Variants in SVIL observed in about 807,000 individuals in gnomAD.
The protein encoded by SVIL is archvillin.
A neutral mutation model predicts 240.4 loss-of-function variants in SVIL; 101 were observed. That is an observed-to-expected ratio of 0.42 (90% CI 0.36 to 0.50). The LOEUF (loss-of-function observed/expected upper bound fraction) is 0.50, where lower values mean the gene tolerates loss of function less well. SVIL is among the 20% of genes least tolerant of loss of function. SVIL has a pLI of 0.01. For missense variants in SVIL, 2,512 were observed against 2,818.7 expected (o/e 0.89, Z 2.46); for synonymous variants, 999 against 1,100.0 (o/e 0.91, Z 1.82).
At chr10:29,482,188 G>C (rs1014858247) in intron 27 of SVIL, among the ~76,000 whole-genome samples, 3 of 151,972 alleles carry the variant, frequency 2.0e-5, no homozygotes, top group African/African-American at 7.2e-5. Flanking sequence ...GCCACCATGC[G>C]TAGCTAATTT....
chr10:29,584,283 C>A (rs1275651762), intron 1 of SVIL, among the ~76,000 whole-genome samples: 1 of 152,210 alleles, frequency 6.6e-6, no homozygotes, highest in Non-Finnish European at 1.5e-5. Context: ...ATCACTTAGG[C>A]ACACCCTGAG....
intron 1 of SVIL, among the ~76,000 whole-genome samples, chr10:29,584,492 C>T (rs556983210): frequency 1.3e-5 from 2 of 152,140 alleles, no homozygotes; most frequent in East Asian, 1.9e-4. Flanking sequence ...TGGAGATTGT[C>T]GGGGAGGTGC....
intron 16 of SVIL, among the ~76,000 whole-genome samples, chr10:29,514,449 T>A (rs541448496): frequency 6.6e-6 from 1 of 152,290 alleles, no homozygotes; most frequent in East Asian, 1.9e-4. Context: ...GCTATGCTGC[T>A]CAGGCTGGTT....
intron 1 of SVIL, among the ~76,000 whole-genome samples, chr10:29,614,272 GACCAGAAAT>G (rs1957355110): frequency 2.0e-5 from 3 of 151,902 alleles, no homozygotes; most frequent in Admixed American, 2.0e-4. Flanking sequence ...CATGATCTAG[GACCAGAAAT>G]ACCATTTGAC....
chr10:29,465,280 G>T (rs1176509174), intron 34 of SVIL, among the ~76,000 whole-genome samples: 1 of 152,196 alleles, frequency 6.6e-6, no homozygotes, highest in East Asian at 1.9e-4. Context: ...GCAGCAACAA[G>T]ACTGAGAGGA....
At chr10:29,530,311 C>T (rs1951267704) in intron 11 of SVIL, among the ~76,000 whole-genome samples, 1 of 152,198 alleles carries the variant, frequency 6.6e-6, no homozygotes, top group African/African-American at 2.4e-5. Context: ...AGTGTACACT[C>T]ATGCTGTGTC....
chr10:29,635,852 A>C (rs1253673263), upstream of SVIL, among the ~76,000 whole-genome samples: 1 of 152,168 alleles, frequency 6.6e-6, no homozygotes, highest in Non-Finnish European at 1.5e-5. Context: ...AGTACAGCAA[A>C]AGCTGTGTGC....
intron 6 of SVIL, among the ~76,000 whole-genome samples, chr10:29,548,287 C>A (rs1024903580): frequency 3.9e-5 from 6 of 151,978 alleles, no homozygotes; most frequent in African/African-American, 9.7e-5. Context: ...ACATATGAAT[C>A]TTTTTTTTCA....
chr10:29,553,937 G>A (rs1953642241), intron 5 of SVIL, among the ~76,000 whole-genome samples: 1 of 152,170 alleles, frequency 6.6e-6, no homozygotes, highest in Admixed American at 6.5e-5. Flanking sequence ...AGAACCTTGA[G>A]AGGCCCCTAT....
At position 29,596,507 on chromosome 10, in the gene SVIL, G is replaced by C. The variant is rs184534261; in HGVS notation, c.-200-27195C>G. Among the ~76,000 whole-genome samples, 566 of 152,252 alleles carry C rather than the reference G, an allele frequency of 3.7e-3. 2 individuals are homozygous for C. Among genetic ancestry groups the C allele is most frequent in the African/African-American group, 0.013 (547 of 41,536 alleles). On this transcript the variant is annotated intron_variant, in intron 1 of 37. Coordinates refer to ENST00000355867, the MANE Select transcript of SVIL (RefSeq NM_021738.3). ...AAAAAATTATTTGCCTTTGCCCACAGAGATCATGGGAAGAGCATTTCAGTA... is the reference window on the plus strand; with the variant it reads ...AAAAAATTATTTGCCTTTGCCCACACAGATCATGGGAAGAGCATTTCAGTA...
At chr10:29,571,711 C>A (rs1243942341) in intron 1 of SVIL, among the ~76,000 whole-genome samples, 3 of 152,182 alleles carry the variant, frequency 2.0e-5, no homozygotes, top group African/African-American at 7.2e-5. Flanking sequence ...TTGATGAGCT[C>A]AAGCAATGCT....
At chr10:29,635,625 A>G (rs964154816), upstream of SVIL, among the ~76,000 whole-genome samples, 6 of 152,254 alleles carry the variant, frequency 3.9e-5, no homozygotes, top group Non-Finnish European at 5.9e-5. Flanking sequence ...AAAAAATATT[A>G]ACTATGAAGC....
chr10:29,537,997 AG>A (rs1951858629), intron 6 of SVIL, among the ~76,000 whole-genome samples: 1 of 152,230 alleles, frequency 6.6e-6, no homozygotes, highest in East Asian at 1.9e-4. Context: ...TGATGGGAAG[AG>A]TTTGGCGCAT....
At chr10:29,555,660 G>A (rs10826656) in intron 3 of SVIL, among the ~76,000 whole-genome samples, 46,094 of 151,934 alleles carry the variant, frequency 0.3, 7,243 homozygotes, top group African/African-American at 0.38. Context: ...GAGACCTGAC[G>A]AGCAAGCTTT....
chr10:29,527,108 G>A, intron 12 of SVIL, 52 bp from the exon 13 acceptor site: 1 of 1,483,968 alleles, frequency 6.7e-7, no homozygotes. Flanking sequence ...GAGAAGAAAA[G>A]AAGCATTAAG....
chr10:29,647,789 G>T (rs1342580684), intron 3 of SVIL, among the ~76,000 whole-genome samples: 1 of 151,910 alleles, frequency 6.6e-6, no homozygotes, highest in Non-Finnish European at 1.5e-5. Context: ...TTTAACAAAA[G>T]GTCACGAAGA....
intron 1 of SVIL, among the ~76,000 whole-genome samples, chr10:29,726,153 C>T (rs1013020937): frequency 6.6e-6 from 1 of 152,044 alleles, no homozygotes; most frequent in Non-Finnish European, 1.5e-5. Context: ...AACTCCTGAG[C>T]TCAAGTGATC....
chr10:29,630,926 TG>T (rs993779963), intron 1 of SVIL, among the ~76,000 whole-genome samples: 5 of 152,088 alleles, frequency 3.3e-5, no homozygotes, highest in Admixed American at 6.5e-5. Flanking sequence ...GGCTAGACCC[TG>T]GGGGTGGTAA....
intron 2 of SVIL, among the ~76,000 whole-genome samples, chr10:29,658,868 G>C (rs1400904594): frequency 6.6e-6 from 1 of 152,174 alleles, no homozygotes; most frequent in African/African-American, 2.4e-5. Flanking sequence ...AAGTTGGATG[G>C]AACTAACAAA....
Sources: allele counts gnomAD v4.1 joint callset (sites outside exome capture counted in the v4.1 genomes callset), GRCh38; gene constraint gnomAD v4.1.1; transcripts MANE v1.5; gene names NCBI Gene and HGNC (gene_info 2026-07-23, HGNC 2026-07-21).